The following ENOX1 variants were observed in gnomAD, a reference collection of about 807,000 sequenced individuals.
The protein encoded by ENOX1 is ecto-NOX disulfide-thiol exchanger 1, also known as candidate growth-related and time keeping constitutive hydroquinone (NADH) oxidase.
ENOX1 carries 42 observed loss-of-function variants against 82.5 expected under a neutral mutation model. The ratio of observed to expected loss-of-function variants is 0.51; its 90% CI spans 0.40 to 0.66. The LOEUF (loss-of-function observed/expected upper bound fraction) is 0.66, where lower values mean the gene tolerates loss of function less well. Ranked by LOEUF, ENOX1 falls within the 30% of genes least tolerant of loss-of-function variation. The pLI, the probability that ENOX1 is intolerant of heterozygous loss-of-function variation, is 0.00. For synonymous variants in ENOX1, 271 were observed against 282.2 expected (o/e 0.96, Z 0.40); for missense variants, 608 against 811.6 (o/e 0.75, Z 3.05).
At chr13:43,535,255 C>T (rs528331286) in intron 2 of ENOX1, among the ~76,000 whole-genome samples, 32 of 152,240 alleles carry the variant, frequency 2.1e-4, no homozygotes, top group Non-Finnish European at 4.1e-4. Context: ...TTTAGAAATA[C>T]AAACACATTT....
intron 3 of ENOX1, among the ~76,000 whole-genome samples, chr13:43,460,865 C>T (rs17064605): frequency 0.13 from 16,531 of 130,634 alleles, 1,901 homozygotes; most frequent in East Asian, 0.29. Flanking sequence ...GGGAGTAGGT[C>T]GCCTTGGGTG....
intron 2 of ENOX1, among the ~76,000 whole-genome samples, chr13:43,600,190 C>T (rs1416586934): frequency 1.3e-5 from 2 of 152,162 alleles, no homozygotes; most frequent in African/African-American, 2.4e-5. Context: ...GAACCAGCTC[C>T]GTCACAGTGG....
intron 5 of ENOX1, among the ~76,000 whole-genome samples, chr13:43,367,316 A>G (rs552091124): frequency 5.9e-5 from 9 of 152,368 alleles, no homozygotes; most frequent in South Asian, 4.1e-4. Flanking sequence ...TACTTTTAAC[A>G]TAAGTCCTAA....
chr13:43,765,932 T>C (rs1200938232), intron 1 of ENOX1, among the ~76,000 whole-genome samples: 1 of 152,220 alleles, frequency 6.6e-6, no homozygotes, highest in African/African-American at 2.4e-5. Flanking sequence ...AGTATCTTTC[T>C]TCTCATAAAA....
At chr13:43,263,416 T>G (rs1417216982) in intron 14 of ENOX1, among the ~76,000 whole-genome samples, 2 of 152,200 alleles carry the variant, frequency 1.3e-5, no homozygotes, top group Admixed American at 6.5e-5. Context: ...TAACAAAGCC[T>G]ACGTCATAGA....
intron 15 of ENOX1, among the ~76,000 whole-genome samples, chr13:43,227,821 G>C (rs927208578): frequency 6.6e-6 from 1 of 152,066 alleles, no homozygotes; most frequent in Non-Finnish European, 1.5e-5. Context: ...GCCAAGGCAG[G>C]CAGTCACAAA....
chr13:43,428,268 A>C (rs888561324), intron 3 of ENOX1, among the ~76,000 whole-genome samples: 1 of 152,234 alleles, frequency 6.6e-6, no homozygotes, highest in Non-Finnish European at 1.5e-5. Flanking sequence ...AGAAAGAGAG[A>C]GAGAGAACAA....
intron 3 of ENOX1, among the ~76,000 whole-genome samples, chr13:43,477,504 G>A (rs1481087732): frequency 6.6e-6 from 1 of 152,066 alleles, no homozygotes; most frequent in Non-Finnish European, 1.5e-5. Flanking sequence ...AATATACAAG[G>A]CTGATTATTT....
At chr13:43,580,587 A>G (rs1437214580) in intron 2 of ENOX1, among the ~76,000 whole-genome samples, 2 of 152,240 alleles carry the variant, frequency 1.3e-5, no homozygotes, top group African/African-American at 2.4e-5. Flanking sequence ...AGTGTGTGTC[A>G]GCCTCAGTTA....
At chr13:43,338,876 G>C (rs928461429) in intron 9 of ENOX1, among the ~76,000 whole-genome samples, 9 of 151,768 alleles carry the variant, frequency 5.9e-5, no homozygotes, top group Admixed American at 1.3e-4. Flanking sequence ...TAGTAGAGAC[G>C]GGGTTTCACC....
At chr13:43,673,683 C>T (rs1166277748) in intron 1 of ENOX1, among the ~76,000 whole-genome samples, 1 of 152,204 alleles carries the variant, frequency 6.6e-6, no homozygotes, top group Non-Finnish European at 1.5e-5. Flanking sequence ...CTGAAGTAGC[C>T]TATATTTTTT....
chr13:43,440,117 A>G (rs1426737660), intron 3 of ENOX1, among the ~76,000 whole-genome samples: 1 of 152,244 alleles, frequency 6.6e-6, no homozygotes, highest in Non-Finnish European at 1.5e-5. Context: ...TTAGGCACAG[A>G]GGTGTAGCCT....
intron 2 of ENOX1, among the ~76,000 whole-genome samples, chr13:43,655,421 CT>C (rs1207023967): frequency 6.6e-6 from 1 of 152,106 alleles, no homozygotes; most frequent in Non-Finnish European, 1.5e-5. Flanking sequence ...TTGACTTACA[CT>C]GTCTATAACT....
chr13:43,531,330 T>C (rs1400979521), intron 2 of ENOX1, among the ~76,000 whole-genome samples: 1 of 152,032 alleles, frequency 6.6e-6, no homozygotes, highest in East Asian at 1.9e-4. Context: ...AAAATGCTCA[T>C]CATCACTGGC....
chr13:43,294,893 T>G (rs1338988876), intron 12 of ENOX1, among the ~76,000 whole-genome samples: 1 of 152,182 alleles, frequency 6.6e-6, no homozygotes, highest in Admixed American at 6.5e-5. Flanking sequence ...TACTGTTCAA[T>G]TCCCCTTATA....
chr13:43,629,674 AC>A (rs2083122241), intron 2 of ENOX1, among the ~76,000 whole-genome samples: 2 of 152,174 alleles, frequency 1.3e-5, no homozygotes, highest in Admixed American at 1.3e-4. Context: ...TTTCAGTTGA[AC>A]CAATTACATT....
At position 43,298,513 on chromosome 13, in the gene ENOX1, A is replaced by G; in HGVS notation, c.1279T>C (p.Tyr427His). The G allele has an allele frequency of 6.2e-7, 1 of 1,612,424 alleles. No homozygotes were observed. Among genetic ancestry groups the G allele is most frequent in the Non-Finnish European group, 8.5e-7 (1 of 1,179,554 alleles). The part of the protein sequence containing the change: ...VDESALAAQA[Y>H]ALKEENDSLR... ...CTGTCATTCTCCTCTTTCAGAGCGTAGGCCTGGGCAGCCAGGGCTGAGGGA... is the reference window on the plus strand; with the variant it reads ...CTGTCATTCTCCTCTTTCAGAGCGTGGGCCTGGGCAGCCAGGGCTGAGGGA... Residue 427 changes from tyrosine to histidine, a missense_variant, in exon 12 of 17, where the codon TAC becomes CAC. Tyr to His is a moderately conservative substitution (Grantham distance 83). Coordinates refer to ENST00000690772, the MANE Select transcript of ENOX1 (RefSeq NM_001347969.2).
chr13:43,475,490 T>A (rs1300628450), intron 3 of ENOX1, among the ~76,000 whole-genome samples: 1 of 152,034 alleles, frequency 6.6e-6, no homozygotes, highest in African/African-American at 2.4e-5. Flanking sequence ...GAGAGGGAAA[T>A]CCTATAAACT....
intron 2 of ENOX1, among the ~76,000 whole-genome samples, chr13:43,577,628 G>A (rs1191728179): frequency 6.6e-6 from 1 of 152,180 alleles, no homozygotes; most frequent in African/African-American, 2.4e-5. Context: ...ACCCATTCAT[G>A]AGAATGAAGC....
Sources: allele counts gnomAD v4.1 joint callset (sites outside exome capture counted in the v4.1 genomes callset), GRCh38; gene constraint gnomAD v4.1.1; transcripts MANE v1.5; gene names NCBI Gene and HGNC (gene_info 2026-07-23, HGNC 2026-07-21).